Variants in FNBP1 observed in about 807,000 individuals in gnomAD.
FNBP1 encodes formin binding protein 1.
Under a neutral mutation model 90.6 loss-of-function variants are expected in FNBP1, and 26 were observed. The ratio of observed to expected loss-of-function variants is 0.29; its 90% confidence interval spans 0.21 to 0.40. FNBP1 has a LOEUF of 0.40. FNBP1 is among the 10% of genes least tolerant of loss of function. The probability of loss-of-function intolerance (pLI) is 1.00; values close to 1 mark genes in which losing one functional copy is unlikely to be tolerated. For synonymous variants in FNBP1, 260 were observed against 265.2 expected (o/e 0.98, Z 0.19); for missense variants, 635 against 768.0 (o/e 0.83, Z 2.05).
intron 16 of FNBP1, among the ~76,000 whole-genome samples, chr9:129,891,334 T>C (rs993308599): frequency 1.3e-5 from 2 of 152,072 alleles, no homozygotes; most frequent in East Asian, 1.9e-4. Flanking sequence ...CATGTTGGCA[T>C]GCGCCTGTAG....
At chr9:130,000,327 CTA>C (rs1430618087) in intron 1 of FNBP1, among the ~76,000 whole-genome samples, 3 of 151,916 alleles carry the variant, frequency 2.0e-5, no homozygotes, top group Non-Finnish European at 4.4e-5. Flanking sequence ...CCCGTCTTTA[CTA>C]AAAATACAAA....
intron 6 of FNBP1, among the ~76,000 whole-genome samples, chr9:129,952,141 G>A (rs2046273866): frequency 6.6e-6 from 1 of 152,006 alleles, no homozygotes; most frequent in African/African-American, 2.4e-5. Flanking sequence ...GCGATGAGCT[G>A]AGATTACACC....
rs186578406 is a variant in FNBP1 at position 129,888,808 on chromosome 9, G to A, written c.*1731C>T. On this transcript the variant is annotated 3_prime_UTR_variant, in exon 17 of 17. Coordinates refer to ENST00000446176, the MANE Select transcript of FNBP1 (RefSeq NM_015033.3). Reference sequence around the variant, plus strand: ...AGGAGCAATTTCCTGGTTTCCACAAGTAAAGACAGCCCCATCCCTTGGGAC... The same window carrying A: ...AGGAGCAATTTCCTGGTTTCCACAAATAAAGACAGCCCCATCCCTTGGGAC... 401 of 233,002 alleles carry A rather than the reference G, an allele frequency of 1.7e-3. 1 individual carries two copies. The highest frequency in any genetic ancestry group is 1.9e-3 in the Non-Finnish European group (219 of 117,894). 14.4% of individuals were successfully genotyped at this position (233,002 alleles called of 1,614,324 possible).
At chr9:129,958,810 C>T (rs76336298) in intron 4 of FNBP1, among the ~76,000 whole-genome samples, 6 of 150,538 alleles carry the variant, frequency 4.0e-5, no homozygotes, top group Admixed American at 2.7e-4. Flanking sequence ...TGAGACCCCC[C>T]ACTCTACAAA....
intron 6 of FNBP1, among the ~76,000 whole-genome samples, chr9:129,953,495 A>C (rs115488361): frequency 0.033 from 4,866 of 147,690 alleles, 250 homozygotes; most frequent in African/African-American, 0.11. Flanking sequence ...GTCTCAGAAA[A>C]AATAAATAAA....
chr9:129,943,951 C>G (rs1588737838), intron 6 of FNBP1, among the ~76,000 whole-genome samples: 1 of 131,022 alleles, frequency 7.6e-6, no homozygotes, highest in South Asian at 2.5e-4. Flanking sequence ...CAAGACTGCA[C>G]CACTGCACTC....
In FNBP1 at chr9:130,042,885, C is replaced by G. The variant is rs962696904; in HGVS notation, c.24+67G>C. 1.8e-6 allele frequency: 2 copies of G among 1,116,960 alleles called. No homozygotes were observed. Among genetic ancestry groups the G allele is most frequent in the South Asian group, 4.0e-5 (1 of 24,798 alleles). 69.2% of individuals were successfully genotyped at this position (1,116,960 alleles called of 1,614,324 possible). A position where few individuals can be genotyped will look rare whatever the true frequency, so the allele number is the denominator to read the frequency against. ...CGCCCAGCAGCGCGGCCCGCGCCCCCTCCCCAGGCCGCGGGGAAACGCAGC... is the reference window on the plus strand; with the variant it reads ...CGCCCAGCAGCGCGGCCCGCGCCCCGTCCCCAGGCCGCGGGGAAACGCAGC... On this transcript the variant is annotated intron_variant, in intron 1 of 16. Coordinates refer to ENST00000446176, the MANE Select transcript of FNBP1 (RefSeq NM_015033.3). The surrounding 1 kb of genome is among the most constrained non-coding windows in gnomAD (Gnocchi z 5.5).
At chr9:130,000,745 C>A (rs930110916) in intron 1 of FNBP1, among the ~76,000 whole-genome samples, 1 of 152,090 alleles carries the variant, frequency 6.6e-6, no homozygotes, top group Middle Eastern at 3.2e-3. Flanking sequence ...CAAACATTGC[C>A]AGCTGTTTCC....
rs180891360 is a variant in FNBP1, at chr9:129,930,971, G to C, written c.514-1276C>G. ...AACCAGGGCAACTATTTGTTTGTTT[G>C]CTTGTTTTTGTTTTGTTTTACTGAA... On this transcript the variant is annotated intron_variant, in intron 6 of 16. Transcript: ENST00000446176. 2.8e-4 allele frequency among the ~76,000 whole-genome samples: 42 copies of C among 152,270 alleles called. 1 individual carries two copies. Among genetic ancestry groups the C allele is most frequent in the African/African-American group, 9.4e-4 (39 of 41,560 alleles).
At chr9:130,035,762 C>T (rs570407005) in intron 1 of FNBP1, among the ~76,000 whole-genome samples, 1 of 152,144 alleles carries the variant, frequency 6.6e-6, no homozygotes, top group Non-Finnish European at 1.5e-5. Flanking sequence ...GCCTGGCCAA[C>T]ATGGTGAAAT....
chr9:129,979,428 C>T lies in FNBP1; in HGVS notation c.141-54G>A, dbSNP rs760580824. The T allele has an allele frequency of 2.2e-4, 287 of 1,297,982 alleles. 1 individual carries two copies. The highest frequency in any genetic ancestry group is 4.8e-5 in the Non-Finnish European group (44 of 911,738). 80.4% of individuals were successfully genotyped at this position (1,297,982 alleles called of 1,614,324 possible). A position where few individuals can be genotyped will look rare whatever the true frequency, so the allele number is the denominator to read the frequency against. ...TTATATAGAAAGAGAATTAAGAAATCAGGAATGAAAGATAACATTAGTGCT... is the reference window on the plus strand; with the variant it reads ...TTATATAGAAAGAGAATTAAGAAATTAGGAATGAAAGATAACATTAGTGCT... On this transcript the variant is annotated intron_variant, in intron 2 of 16. Transcript: ENST00000446176.
the FNBP1 span, chr9:130,053,634 G>A: frequency 2.2e-6 from 1 of 452,772 alleles, no homozygotes; most frequent in Non-Finnish European, 4.0e-6. Flanking sequence ...CGCTTCCAAA[G>A]CTCAGCGAGG....
chr9:129,947,394 C>T (rs550343802), intron 6 of FNBP1, among the ~76,000 whole-genome samples: 58 of 148,424 alleles, frequency 3.9e-4, no homozygotes, highest in African/African-American at 1.3e-3. Flanking sequence ...GAGCAGAGAT[C>T]GCGCCATTGC....
At chr9:129,930,775 G>A (rs185848824) in intron 6 of FNBP1, among the ~76,000 whole-genome samples, 35 of 152,288 alleles carry the variant, frequency 2.3e-4, no homozygotes, top group Non-Finnish European at 4.6e-4. Flanking sequence ...TAGCATTGTG[G>A]TGTTATTTTG....
intron 6 of FNBP1, among the ~76,000 whole-genome samples, chr9:129,952,160 C>A (rs2046276563): frequency 6.6e-6 from 1 of 151,850 alleles, no homozygotes; most frequent in South Asian, 2.1e-4. Flanking sequence ...CCACTGCACT[C>A]CAGCCTGGGC....
In FNBP1 at chr9:129,952,274, C is replaced by A. The variant is rs544997300; in HGVS notation, c.513+5086G>T. ...TAGCACTTTCGGAGGCTGAGGTGGG[C>A]AGATTACCTGAGGTCAGGGGTTCGA... On this transcript the variant is annotated intron_variant, in intron 6 of 16. Transcript: ENST00000446176. Among the ~76,000 whole-genome samples the A allele has an allele frequency of 3.0e-4, 45 of 150,306 alleles. 1 individual carries two copies. The highest frequency in any genetic ancestry group is 1.1e-3 in the African/African-American group (44 of 40,828).
intron 15 of FNBP1, among the ~76,000 whole-genome samples, chr9:129,897,177 C>T (rs1252691601): frequency 1.3e-5 from 2 of 152,184 alleles, no homozygotes; most frequent in African/African-American, 4.8e-5. Flanking sequence ...TGGATTTCCT[C>T]TCCTTTTTGT....
intron 1 of FNBP1, among the ~76,000 whole-genome samples, chr9:130,011,488 C>G (rs1052329680): frequency 6.6e-6 from 1 of 151,876 alleles, no homozygotes; most frequent in Non-Finnish European, 1.5e-5. Flanking sequence ...ACTGATTAGG[C>G]TATGAAGGCT....
chr9:129,921,682 G>A (rs984602729), intron 10 of FNBP1, among the ~76,000 whole-genome samples: 2 of 152,168 alleles, frequency 1.3e-5, no homozygotes, highest in African/African-American at 4.8e-5. Context: ...CAAAGTGCTG[G>A]GATTACGGGC....
Sources: allele counts gnomAD v4.1 joint callset (sites outside exome capture counted in the v4.1 genomes callset), GRCh38; gene constraint gnomAD v4.1.1; non-coding constraint Gnocchi (gnomAD v3.1); transcripts MANE v1.5; gene names NCBI Gene and HGNC (gene_info 2026-07-23, HGNC 2026-07-21).